The following SH3GL1 variants were observed in gnomAD, a reference collection of about 807,000 sequenced individuals.
The protein encoded by SH3GL1 is SH3 domain containing GRB2 like 1, endophilin A2, also known as endophilin-A2.
SH3GL1 carries 21 observed loss-of-function variants against 48.8 expected under a neutral mutation model. The observed-to-expected ratio is 0.43, with a 90% CI of 0.30 to 0.62. The LOEUF (loss-of-function observed/expected upper bound fraction) is 0.62, where lower values mean the gene tolerates loss of function less well. Among genes scored for constraint, SH3GL1 ranks in the 20% least tolerant of loss-of-function variants. The pLI is 0.11. For synonymous variants in SH3GL1, 282 were observed against 217.5 expected (o/e 1.30, Z -2.61); for missense variants, 454 against 503.0 (o/e 0.90, Z 0.93).
At chr19:4,365,254 T>G (rs1207404197) in intron 4 of SH3GL1, among the ~76,000 whole-genome samples, 2 of 152,160 alleles carry the variant, frequency 1.3e-5, no homozygotes, top group Admixed American at 6.5e-5. Flanking sequence ...GGGAAGCAGC[T>G]GGCTTGAGTT....
intron 1 of SH3GL1, among the ~76,000 whole-genome samples, chr19:4,373,598 G>A (rs1034853216): frequency 5.9e-5 from 9 of 152,142 alleles, no homozygotes; most frequent in African/African-American, 1.2e-4. Flanking sequence ...CGGGTCAGGC[G>A]CTCCTCTGGG....
chr19:4,373,488 CAA>C (rs988597032), intron 1 of SH3GL1, among the ~76,000 whole-genome samples: 3 of 152,212 alleles, frequency 2.0e-5, no homozygotes, highest in Admixed American at 1.3e-4. Context: ...TGAATCAAGA[CAA>C]AGTTTCTGAA....
intron 1 of SH3GL1, among the ~76,000 whole-genome samples, chr19:4,392,367 T>C (rs1242738595): frequency 6.6e-6 from 1 of 151,586 alleles, no homozygotes. Flanking sequence ...CCACTAAAAA[T>C]ACAAAAATTG....
chr19:4,374,597 T>C (rs542507670), intron 1 of SH3GL1, among the ~76,000 whole-genome samples: 1 of 152,304 alleles, frequency 6.6e-6, no homozygotes, highest in East Asian at 1.9e-4. Flanking sequence ...GCAATCGGCG[T>C]TTCTCCCGGG....
intron 2 of SH3GL1, 69 bp from the exon 3 acceptor site, chr19:4,366,642 C>T: frequency 1.4e-6 from 2 of 1,393,298 alleles, no homozygotes; most frequent in Admixed American, 1.9e-5. Context: ...ACCCCCGCTG[C>T]TGCACCGCCT....
In SH3GL1 at chr19:4,366,557, C is replaced by T. The variant is rs1412963539; in HGVS notation, c.131G>A (p.Ser44Asn). Reference protein sequence around the residue: ...KEMEKKVDVTSKAVTEVLART... With the variant: ...KEMEKKVDVTNKAVTEVLART... ...GGCCAGCACTTCTGTCACCGCCTTG[C>T]TGGTGACATCCACCTTCTGTGAAGA... Residue 44 changes from serine (S) to asparagine (N), a missense_variant, in exon 3 of 10, where the codon AGC (serine) becomes AAC (asparagine). Physicochemically the swap from Ser to Asn is conservative, Grantham distance 46. Transcript: ENST00000269886. 2 of 1,612,032 alleles carry T rather than the reference C, an allele frequency of 1.2e-6. No homozygotes were observed. The highest frequency in any genetic ancestry group is 1.7e-6 in the Non-Finnish European group (2 of 1,179,452).
chr19:4,400,227 G>T lies in SH3GL1; in HGVS notation c.45+97C>A. On this transcript the variant is annotated intron_variant, in intron 1 of 9. Transcript: ENST00000269886. This position sits in a 1 kb window ranked among gnomAD's most constrained non-coding sequence, Gnocchi z 4.1. Reference sequence around the variant, plus strand: ...GGACACGCGCCAACGTCCCCACCTCGGTCCCCCCGGCCCCCTCCCGGGCCA... The same window carrying T: ...GGACACGCGCCAACGTCCCCACCTCTGTCCCCCCGGCCCCCTCCCGGGCCA... 1.5e-6 allele frequency: 2 copies of T among 1,340,722 alleles called. No homozygotes were observed. The highest frequency in any genetic ancestry group is 2.0e-6 in the Non-Finnish European group (2 of 987,372). 83.1% of individuals were successfully genotyped at this position (1,340,722 alleles called of 1,614,324 possible). A position where few individuals can be genotyped will look rare whatever the true frequency, so the allele number is the denominator to read the frequency against.
intron 1 of SH3GL1, among the ~76,000 whole-genome samples, chr19:4,378,198 G>A (rs1256873091): frequency 6.6e-6 from 1 of 152,188 alleles, no homozygotes; most frequent in Non-Finnish European, 1.5e-5. Context: ...AAGCAGCCCT[G>A]CCCTCGGGAG....
chr19:4,397,767 C>T (rs550324778), intron 1 of SH3GL1, among the ~76,000 whole-genome samples: 1 of 152,328 alleles, frequency 6.6e-6, no homozygotes, highest in Admixed American at 6.5e-5. Context: ...TTAAATCTTT[C>T]TCCAGGGTTT....
At chr19:4,369,305 G>A (rs891227321) in intron 1 of SH3GL1, among the ~76,000 whole-genome samples, 4 of 152,236 alleles carry the variant, frequency 2.6e-5, no homozygotes, top group African/African-American at 9.6e-5. Flanking sequence ...GAGAGAGGGC[G>A]TGCTCAGAGC....
rs1008819567 is a variant in SH3GL1 at position 4,361,382 on chromosome 19, G to C, written c.*218C>G. ...TGGGGAAGGGAGCCGTCACCGTTGG[G>C]AGTCAGCGCTAGTGTAAACAGGCAT... On this transcript the variant is annotated 3_prime_UTR_variant, in exon 10 of 10. Transcript: ENST00000269886. 4.1e-5 allele frequency: 23 copies of C among 563,364 alleles called. No individual in the cohort carries two copies. Among genetic ancestry groups the C allele is most frequent in the Non-Finnish European group, 6.6e-5 (21 of 317,036 alleles). The allele number at this position is 563,364 out of a possible 1,614,324, so 34.9% of individuals were successfully genotyped here.
chr19:4,373,075 T>A (rs1043786999), intron 1 of SH3GL1, among the ~76,000 whole-genome samples: 2 of 152,090 alleles, frequency 1.3e-5, no homozygotes, highest in African/African-American at 4.8e-5. Flanking sequence ...GGAGTAGTCA[T>A]TCCTGCACAT....
chr19:4,370,396 A>AT (rs944840095), intron 1 of SH3GL1, among the ~76,000 whole-genome samples: 23 of 152,238 alleles, frequency 1.5e-4, no homozygotes, highest in African/African-American at 5.3e-4. Context: ...CCCACCCCGC[A>AT]TGGCAGGAAA....
At chr19:4,387,675 T>C (rs1973260991) in intron 1 of SH3GL1, among the ~76,000 whole-genome samples, 1 of 152,118 alleles carries the variant, frequency 6.6e-6, no homozygotes, top group Non-Finnish European at 1.5e-5. Flanking sequence ...TTGCTGCTGT[T>C]GTATTTGTTA....
chr19:4,363,872 G>T lies in SH3GL1; in HGVS notation c.472C>A (p.Leu158Met), dbSNP rs756926556. ...AGGCGGCGGCCCTCCAGTTTCTTCA[G>T]GTGGTGCTGGAGACGTGGGGGACAT... ...EKDLKEIQHH[L>M]KKLEGRRLDF... The change falls in exon 6 of 10, where the codon CTG becomes ATG. Residue 158 changes from leucine (L) to methionine (M), a missense_variant. Physicochemically the swap from Leu to Met is conservative, Grantham distance 15. This residue lies in a region of SH3GL1 where 176 missense variants were observed against 256.2 expected (regional missense o/e 0.69). Coordinates refer to ENST00000269886, the MANE Select transcript of SH3GL1 (RefSeq NM_003025.4). 1 of 1,612,310 alleles carries T rather than the reference G, an allele frequency of 6.2e-7. No individual in the cohort carries two copies. Among genetic ancestry groups the T allele is most frequent in the Non-Finnish European group, 8.5e-7 (1 of 1,180,036 alleles).
chr19:4,366,650 C>T (rs1972787238), intron 2 of SH3GL1, 77 bp from the exon 3 acceptor site: 5 of 1,357,958 alleles, frequency 3.7e-6, no homozygotes, highest in Non-Finnish European at 5.2e-6. Flanking sequence ...TGCTGCACCG[C>T]CTCCTGCCCT....
intron 1 of SH3GL1, among the ~76,000 whole-genome samples, chr19:4,387,833 A>G (rs964190410): frequency 1.3e-5 from 2 of 152,056 alleles, no homozygotes; most frequent in African/African-American, 2.4e-5. Flanking sequence ...ACAGATATGC[A>G]TTACTACGCC....
chr19:4,367,039 GGAA>G lies in SH3GL1; in HGVS notation c.46-48_46-46del, dbSNP rs759259866. On this transcript the variant is annotated intron_variant, in intron 1 of 9. Coordinates refer to ENST00000269886, the MANE Select transcript of SH3GL1 (RefSeq NM_003025.4). This position sits in a 1 kb window ranked among gnomAD's most constrained non-coding sequence, Gnocchi z 4.2. ...AAACGCTGTGAGCCCAGGGGTAGGA[GGAA>G]GAAGAGGACAGGAGGCCCTGAGCCG... 6 of 1,577,210 alleles carry G rather than the reference GGAA, an allele frequency of 3.8e-6. No individual in the cohort carries two copies. Among genetic ancestry groups the G allele is most frequent in the East Asian group, 4.5e-5 (2 of 44,692 alleles).
At chr19:4,381,377 T>C (rs1194474504) in intron 1 of SH3GL1, among the ~76,000 whole-genome samples, 4 of 119,274 alleles carry the variant, frequency 3.4e-5, no homozygotes, top group African/African-American at 1.3e-4. Context: ...GTCTCCCATC[T>C]GTCCCCTCTG....
Sources: allele counts gnomAD v4.1 joint callset (sites outside exome capture counted in the v4.1 genomes callset), GRCh38; gene constraint gnomAD v4.1.1; regional missense constraint gnomAD v4.1.1; non-coding constraint Gnocchi (gnomAD v3.1); transcripts MANE v1.5; gene names NCBI Gene and HGNC (gene_info 2026-07-23, HGNC 2026-07-21).